Variants in KHDRBS2 observed in about 807,000 individuals in gnomAD.
The protein encoded by KHDRBS2 is KH domain-containing, RNA-binding, signal transduction-associated protein 2.
In KHDRBS2, 26 loss-of-function variants were observed where a neutral mutation model predicts 44.3. The observed-to-expected ratio is 0.59, with a 90% CI of 0.43 to 0.81. The LOEUF (loss-of-function observed/expected upper bound fraction) is 0.81, where lower values mean the gene tolerates loss of function less well. KHDRBS2 is among the 40% of genes least tolerant of loss of function. The pLI is 0.00. For synonymous variants in KHDRBS2, 194 were observed against 151.1 expected (o/e 1.28, Z -2.08); for missense variants, 476 against 433.1 (o/e 1.10, Z -0.88).
the KHDRBS2 span, among the ~76,000 whole-genome samples, chr6:61,654,108 G>A: frequency 9.2e-5 from 14 of 151,956 alleles, no homozygotes; most frequent in Non-Finnish European, 8.8e-5. Flanking sequence ...CCATACTTCA[G>A]TCCTGCTATT....
At chr6:61,759,650 T>C (rs899583413) in intron 6 of KHDRBS2, among the ~76,000 whole-genome samples, 2 of 152,194 alleles carry the variant, frequency 1.3e-5, no homozygotes, top group African/African-American at 4.8e-5. Flanking sequence ...AGGTAACTTA[T>C]TCCTTAGCTA....
chr6:61,672,180 AT>A, the KHDRBS2 span, among the ~76,000 whole-genome samples: 6 of 148,278 alleles, frequency 4.0e-5, no homozygotes, highest in South Asian at 2.2e-4. Context: ...TGAACTCATC[AT>A]TTTTTATGGC....
At chr6:62,018,042 A>G (rs1193819662) in intron 3 of KHDRBS2, among the ~76,000 whole-genome samples, 1 of 151,788 alleles carries the variant, frequency 6.6e-6, no homozygotes, top group African/African-American at 2.4e-5. Context: ...TATTAGTAGT[A>G]TAAATAAGTA....
intron 6 of KHDRBS2, among the ~76,000 whole-genome samples, chr6:61,780,769 C>T (rs1208663063): frequency 6.7e-6 from 1 of 150,350 alleles, no homozygotes; most frequent in Non-Finnish European, 1.5e-5. Flanking sequence ...AAATAGTAAA[C>T]CATTTATAAT....
chr6:61,806,043 C>T (rs1184241076), intron 6 of KHDRBS2, among the ~76,000 whole-genome samples: 1 of 152,186 alleles, frequency 6.6e-6, no homozygotes, highest in Non-Finnish European at 1.5e-5. Context: ...TTCACTGATG[C>T]TGTGGCAAAT....
chr6:62,275,448 T>C (rs1670757674), intron 1 of KHDRBS2, among the ~76,000 whole-genome samples: 1 of 152,200 alleles, frequency 6.6e-6, no homozygotes, highest in African/African-American at 2.4e-5. Context: ...TTACACTTAC[T>C]AATGTCTTTC....
At chr6:62,204,321 A>C (rs1827581068) in intron 1 of KHDRBS2, among the ~76,000 whole-genome samples, 1 of 152,172 alleles carries the variant, frequency 6.6e-6, no homozygotes, top group Non-Finnish European at 1.5e-5. Flanking sequence ...TGCAACAATG[A>C]GTTTGCTTAG....
the KHDRBS2 span, among the ~76,000 whole-genome samples, chr6:61,552,844 A>G: frequency 1.3e-5 from 2 of 152,126 alleles, no homozygotes; most frequent in South Asian, 4.1e-4. Context: ...CCCAGATATA[A>G]AGCCTACTTG....
At chr6:61,668,877 A>AT in the KHDRBS2 span, among the ~76,000 whole-genome samples, 1 of 151,014 alleles carries the variant, frequency 6.6e-6, no homozygotes, top group South Asian at 2.1e-4. Flanking sequence ...ACTCCATTTT[A>AT]TTTTTGCAGT....
intron 6 of KHDRBS2, among the ~76,000 whole-genome samples, chr6:61,786,136 C>A (rs1783773386): frequency 1.3e-5 from 2 of 151,820 alleles, no homozygotes; most frequent in Admixed American, 6.6e-5. Context: ...ACAATGCTAG[C>A]CTTTAAATTG....
At chr6:61,760,392 G>A (rs1264351975) in intron 6 of KHDRBS2, among the ~76,000 whole-genome samples, 1 of 152,144 alleles carries the variant, frequency 6.6e-6, no homozygotes, top group Admixed American at 6.5e-5. Flanking sequence ...CAGCACTTTG[G>A]GAGGCCAAGG....
In KHDRBS2 at chr6:61,875,829, G is replaced by A. The variant is rs578223421; in HGVS notation, c.810+18806C>T. Among the ~76,000 whole-genome samples the A allele has an allele frequency of 4.5e-4, 68 of 151,836 alleles. 1 individual carries two copies. The South Asian group carries it at 0.013, about 30-fold the overall frequency. On this transcript the variant is annotated intron_variant, in intron 6 of 8. Transcript: ENST00000281156. Reference sequence around the variant, plus strand: ...CACACTAGCAGATTTGGTTATAACTGTCCAACTTTAAATGTTATAATTACC... The same window carrying A: ...CACACTAGCAGATTTGGTTATAACTATCCAACTTTAAATGTTATAATTACC...
intron 6 of KHDRBS2, among the ~76,000 whole-genome samples, chr6:61,792,755 T>C (rs1258768117): frequency 1.3e-5 from 2 of 151,906 alleles, no homozygotes; most frequent in East Asian, 3.8e-4. Context: ...ATTAATTTAA[T>C]ATAGTATATT....
chr6:61,761,383 A>G (rs996560145), intron 6 of KHDRBS2, among the ~76,000 whole-genome samples: 6 of 152,338 alleles, frequency 3.9e-5, no homozygotes, highest in South Asian at 2.1e-4. Flanking sequence ...TACCAGCAAC[A>G]CACAGTATTT....
the KHDRBS2 span, among the ~76,000 whole-genome samples, chr6:61,609,845 G>A: frequency 3.3e-5 from 5 of 152,146 alleles, no homozygotes; most frequent in Admixed American, 3.3e-4. Flanking sequence ...TATATCCTGA[G>A]GAATACTAAT....
chr6:61,713,240 A>G (rs1582322719), intron 7 of KHDRBS2, among the ~76,000 whole-genome samples: 1 of 151,706 alleles, frequency 6.6e-6, no homozygotes, highest in African/African-American at 2.4e-5. Context: ...TTTGTTAACC[A>G]TTCTGTTTCT....
chr6:61,772,947 A>G (rs1370375469), intron 6 of KHDRBS2, among the ~76,000 whole-genome samples: 2 of 152,158 alleles, frequency 1.3e-5, no homozygotes, highest in Non-Finnish European at 2.9e-5. Context: ...AATTTCATCC[A>G]TGTCCCTACA....
the KHDRBS2 span, among the ~76,000 whole-genome samples, chr6:61,626,087 T>C: frequency 1.3e-5 from 2 of 152,224 alleles, no homozygotes; most frequent in African/African-American, 4.8e-5. Flanking sequence ...TAGTGTATTA[T>C]AATTTGTCAT....
intron 4 of KHDRBS2, among the ~76,000 whole-genome samples, chr6:61,954,393 AT>A (rs1161440967): frequency 0.24 from 34,423 of 143,746 alleles, 7,283 homozygotes; most frequent in Non-Finnish European, 0.31. Flanking sequence ...GCATACATAT[AT>A]ACGTATGTAT....
Sources: allele counts gnomAD v4.1 joint callset (sites outside exome capture counted in the v4.1 genomes callset), GRCh38; gene constraint gnomAD v4.1.1; transcripts MANE v1.5; gene names NCBI Gene and HGNC (gene_info 2026-07-23, HGNC 2026-07-21).